Variants in ATP5PB observed in about 807,000 individuals in gnomAD.
The protein encoded by ATP5PB is ATP synthase peripheral stalk-membrane subunit b.
ATP5PB carries 21 observed loss-of-function variants against 34.5 expected under a neutral mutation model. The observed-to-expected ratio is 0.61, with a 90% confidence interval of 0.43 to 0.88. The LOEUF is 0.88. ATP5PB is among the 40% of genes least tolerant of loss of function. ATP5PB has a pLI of 0.00. For missense variants in ATP5PB, 293 were observed against 317.4 expected, an observed-to-expected ratio of 0.92 and a Z score of 0.58; for synonymous variants, 108 against 114.1, an observed-to-expected ratio of 0.95 and a Z score of 0.34.
intron 2 of ATP5PB, 78 bp from the exon 3 acceptor site, chr1:111,454,133 A>G (rs1276771715): frequency 7.3e-7 from 1 of 1,373,704 alleles, no homozygotes; most frequent in East Asian, 2.6e-5. Flanking sequence ...AACCCTATTT[A>G]TTGTTTCTGC....
chr1:111,454,312 C>T lies in ATP5PB; in HGVS notation c.179C>T (p.Pro60Leu), dbSNP rs756726209. ...GGAAAAGTTCGTTATGGACTGATCC[C>T]TGAGGAATTCTTCCAGTTTCTTTAT... Reference protein sequence around the residue: ...YGGKVRYGLIPEEFFQFLYPK... With the variant: ...YGGKVRYGLILEEFFQFLYPK... The change falls in exon 3 of 7, where the codon CCT (proline) becomes CTT (leucine). Residue 60 changes from proline (P) to leucine (L), a missense_variant. Coordinates refer to ENST00000369722, the MANE Select transcript of ATP5PB (RefSeq NM_001688.5). 30 of 1,611,278 alleles carry T rather than the reference C, an allele frequency of 1.9e-5. No homozygotes were observed. Among genetic ancestry groups the T allele is most frequent in the Non-Finnish European group, 2.4e-5 (28 of 1,179,158 alleles).
At chr1:111,453,869 C>G (rs1653397690) in intron 2 of ATP5PB, among the ~76,000 whole-genome samples, 1 of 152,198 alleles carries the variant, frequency 6.6e-6, no homozygotes, top group Admixed American at 6.5e-5. Context: ...AGGAGCAGGT[C>G]TAGGATTTGA....
chr1:111,459,726 A>G, intron 6 of ATP5PB, 90 bp downstream of exon 6: 1 of 1,389,858 alleles, frequency 7.2e-7, no homozygotes, highest in Non-Finnish European at 9.8e-7. Flanking sequence ...ATAGCTGGCA[A>G]GGAGTCTTTA....
intron 6 of ATP5PB, among the ~76,000 whole-genome samples, chr1:111,460,594 A>G (rs1378491922): frequency 6.6e-6 from 1 of 152,208 alleles, no homozygotes; most frequent in Non-Finnish European, 1.5e-5. Context: ...GTCTTTTTCA[A>G]GCAACTGTTG....
At chr1:111,459,423 A>G in intron 5 of ATP5PB, 34 bp from the exon 6 acceptor site, 1 of 1,576,162 alleles carries the variant, frequency 6.3e-7, no homozygotes, top group Non-Finnish European at 8.6e-7. Flanking sequence ...TCAAGTATAC[A>G]AACAATATTT....
At chr1:111,454,060 A>G (rs1031558430) in intron 2 of ATP5PB, 151 bp from the exon 3 acceptor site, 4 of 824,948 alleles carry the variant, frequency 4.8e-6, no homozygotes, top group Non-Finnish European at 5.2e-6. Flanking sequence ...ACTGGACCCT[A>G]ACCTTCCCAT....
intron 2 of ATP5PB, 31 bp from the exon 3 acceptor site, chr1:111,454,180 G>A (rs754374747): frequency 6.5e-7 from 1 of 1,531,642 alleles, no homozygotes; most frequent in Admixed American, 2.3e-5. Flanking sequence ...TAAAGAAACA[G>A]GCTTTACATT....
At chr1:111,453,657 G>A (rs1653391088) in intron 2 of ATP5PB, among the ~76,000 whole-genome samples, 2 of 152,138 alleles carry the variant, frequency 1.3e-5, no homozygotes, top group African/African-American at 2.4e-5. Context: ...ATTCAAAAAG[G>A]TCCAGGAGCT....
Position 111,460,900 on chromosome 1 carries a change from C to A in ATP5PB, c.694-17C>A, listed in dbSNP as rs200869646. ...GTTTTGGAAAGGTCTAACCAGATTT[C>A]TCTTTCCTTATCACAGGAAAAGGAG... On this transcript the variant is annotated splice_polypyrimidine_tract_variant and intron_variant, in intron 6 of 6. Coordinates refer to ENST00000369722, the MANE Select transcript of ATP5PB (RefSeq NM_001688.5). 59 of 1,612,662 alleles carry A rather than the reference C, an allele frequency of 3.7e-5. No individual in the cohort carries two copies. In the Admixed American group the frequency reaches 8.8e-4, roughly 24 times the overall value.
At chr1:111,449,915 T>C in intron 2 of ATP5PB, 42 bp downstream of exon 2, 1 of 1,612,404 alleles carries the variant, frequency 6.2e-7, no homozygotes, top group Admixed American at 1.7e-5. Context: ...TTGTTTTCAC[T>C]ACCTTTTATT....
At chr1:111,449,607 A>G in intron 1 of ATP5PB, 26 bp downstream of exon 1, 1 of 1,578,922 alleles carries the variant, frequency 6.3e-7, no homozygotes, top group South Asian at 1.2e-5. Context: ...CCTGCTCTGG[A>G]CTATCAGAGT....
chr1:111,454,268 A>G lies in ATP5PB; in HGVS notation c.135A>G (p.Pro45=), dbSNP rs1442612780. 9 of 1,613,114 alleles carry G rather than the reference A, an allele frequency of 5.6e-6. No individual in the cohort carries two copies. In the South Asian group the frequency reaches 9.9e-5, roughly 18 times the overall value. ...GGCAGCCACACCTTGTCCCTGTACCACCTCTTCCTGAATACGGAGGAAAAG... is the reference window on the plus strand; with the variant it reads ...GGCAGCCACACCTTGTCCCTGTACCGCCTCTTCCTGAATACGGAGGAAAAG... ...HTGQPHLVPV[P]PLPEYGGKVR... The change falls in exon 3 of 7, where the codon CCA becomes CCG. Residue 45 remains proline (P), a synonymous_variant. Transcript: ENST00000369722.
In ATP5PB at chr1:111,456,085, G is replaced by C; in HGVS notation, c.224-1G>C. On this transcript the variant is annotated splice_acceptor_variant, in intron 3 of 6. Coordinates refer to ENST00000369722, the MANE Select transcript of ATP5PB (RefSeq NM_001688.5). LOFTEE classifies it high-confidence loss of function. Reference sequence around the variant, plus strand: ...CATAAAATAACTCTTTCTTCTTTTAGGACCCTATGTACTCGGAACTGGGCT... The same window carrying C: ...CATAAAATAACTCTTTCTTCTTTTACGACCCTATGTACTCGGAACTGGGCT... The C allele has an allele frequency of 2.6e-6, 4 of 1,565,996 alleles. No homozygotes were observed. Among genetic ancestry groups the C allele is most frequent in the Non-Finnish European group, 3.5e-6 (4 of 1,158,232 alleles).
intron 3 of ATP5PB, 130 bp downstream of exon 3, chr1:111,454,486 T>C: frequency 8.3e-7 from 1 of 1,209,484 alleles, no homozygotes; most frequent in Non-Finnish European, 1.1e-6. Flanking sequence ...AGACAGGGTA[T>C]TACTCTATCA....
At chr1:111,458,534 TAAG>T (rs759817362) in intron 5 of ATP5PB, among the ~76,000 whole-genome samples, 5 of 152,146 alleles carry the variant, frequency 3.3e-5, no homozygotes, top group Admixed American at 6.5e-5. Flanking sequence ...CAAGGAAAAG[TAAG>T]AAGGCCCATA....
Position 111,449,465 on chromosome 1 carries a change from A to G in ATP5PB, c.-77A>G. The stretch of plus-strand genomic sequence containing the variant: ...CATCTCGCGAGACTTGTGAGCGGCC[A>G]TCTTGGTCCTGCCCTGACAGATTCT... On this transcript the variant is annotated 5_prime_UTR_variant, in exon 1 of 7. Transcript: ENST00000369722. 6.2e-7 allele frequency: 1 copy of G among 1,614,166 alleles called. No homozygotes were observed. The highest frequency in any genetic ancestry group is 8.5e-7 in the Non-Finnish European group (1 of 1,180,024).
intron 4 of ATP5PB, among the ~76,000 whole-genome samples, 179 bp downstream of exon 4, chr1:111,456,428 G>A (rs1255577679): frequency 6.6e-6 from 1 of 152,114 alleles, no homozygotes; most frequent in Non-Finnish European, 1.5e-5. Flanking sequence ...AAACACTTTA[G>A]CTTTTCTATA....
chr1:111,456,810 T>A, intron 5 of ATP5PB, 55 bp downstream of exon 5: 2 of 1,494,248 alleles, frequency 1.3e-6, no homozygotes, highest in Non-Finnish European at 1.8e-6. Flanking sequence ...TGCATTTTTT[T>A]AATTCAGAAT....
intron 3 of ATP5PB, 149 bp from the exon 4 acceptor site, chr1:111,455,937 A>G (rs1285967309): frequency 3.3e-6 from 2 of 612,074 alleles, no homozygotes; most frequent in Non-Finnish European, 5.2e-6. Context: ...TTTCAACTCT[A>G]CCATACTGCT....
Sources: gnomAD v4.1 joint callset for allele counts (sites outside exome capture counted in the v4.1 genomes callset) on GRCh38, gnomAD v4.1.1 for gene constraint, MANE v1.5 for transcripts, NCBI Gene and HGNC (gene_info 2026-07-23, HGNC 2026-07-21) for gene names.